The following PTK2 variants were observed in gnomAD, a reference collection of about 807,000 sequenced individuals.
PTK2 encodes the protein protein tyrosine kinase 2.
In PTK2, 45 loss-of-function variants were observed where a neutral mutation model predicts 150.1. The ratio of observed to expected loss-of-function variants is 0.30; its 90% CI spans 0.24 to 0.38. The LOEUF is 0.38. Among genes scored for constraint, PTK2 ranks in the 10% least tolerant of loss-of-function variants. PTK2 has a pLI of 1.00. For synonymous variants in PTK2, 432 were observed against 449.2 expected, an observed-to-expected ratio of 0.96 and a Z score of 0.48; for missense variants, 919 against 1,307.3, an observed-to-expected ratio of 0.70 and a Z score of 4.58.
At chr8:140,921,623 A>G (rs1269977827) in intron 2 of PTK2, among the ~76,000 whole-genome samples, 2 of 152,162 alleles carry the variant, frequency 1.3e-5, no homozygotes, top group African/African-American at 4.8e-5. Flanking sequence ...TGTCATAGTA[A>G]GTGTATAAAT....
At chr8:140,961,697 C>T (rs891460627) in intron 1 of PTK2, among the ~76,000 whole-genome samples, 1 of 151,456 alleles carries the variant, frequency 6.6e-6, no homozygotes, top group Non-Finnish European at 1.5e-5. Context: ...AGATTTGGTA[C>T]TACAAATCAG....
At chr8:140,810,656 C>T (rs569315011) in intron 10 of PTK2, among the ~76,000 whole-genome samples, 1 of 152,302 alleles carries the variant, frequency 6.6e-6, no homozygotes, top group African/African-American at 2.4e-5. Context: ...GCCTTCCGTG[C>T]CTCACCAGTG....
At chr8:140,880,647 A>G (rs1206852712) in intron 3 of PTK2, among the ~76,000 whole-genome samples, 1 of 152,206 alleles carries the variant, frequency 6.6e-6, no homozygotes, top group East Asian at 1.9e-4. Context: ...TTGAAGCTAT[A>G]ATACAACTTG....
intron 23 of PTK2, among the ~76,000 whole-genome samples, chr8:140,712,666 C>G (rs1157114885): frequency 6.6e-6 from 1 of 151,998 alleles, no homozygotes; most frequent in Non-Finnish European, 1.5e-5. Context: ...TACTGATTTA[C>G]TGAGCTATAG....
Position 140,948,915 on chromosome 8 carries a change from G to A in PTK2, c.-121-23166C>T, listed in dbSNP as rs537483276. On this transcript the variant is annotated intron_variant, in intron 1 of 31. Coordinates refer to ENST00000522684, the Ensembl canonical transcript of PTK2. The stretch of plus-strand genomic sequence containing the variant: ...CCCTTGAACAACATGGATTTGAATG[G>A]TACAGGTCCACGTATAGGGGGATTT... 2.6e-5 allele frequency among the ~76,000 whole-genome samples: 4 copies of A among 152,050 alleles called. No homozygotes were observed. In the East Asian group the frequency reaches 7.7e-4, roughly 29 times the overall value.
intron 4 of PTK2, among the ~76,000 whole-genome samples, chr8:140,876,814 G>C (rs1307785612): frequency 2.6e-5 from 4 of 151,842 alleles, no homozygotes; most frequent in Non-Finnish European, 4.4e-5. Flanking sequence ...TCAATCCTGT[G>C]ATTTCTACAA....
chr8:140,714,802 A>AG (rs1276600631), intron 23 of PTK2, among the ~76,000 whole-genome samples: 1 of 150,020 alleles, frequency 6.7e-6, no homozygotes, highest in African/African-American at 2.4e-5. Context: ...GTCTCAAAAA[A>AG]AAAAAAAAAA....
Position 140,673,742 on chromosome 8 carries a change from G to A in PTK2, c.2709+556C>T, listed in dbSNP as rs531390650. Among the ~76,000 whole-genome samples the A allele has an allele frequency of 2.6e-5, 4 of 152,250 alleles. No individual in the cohort carries two copies. In the South Asian group the frequency reaches 8.3e-4, roughly 32 times the overall value. ...GTTCCAGCTGGCACCCCTCGGGGCA[G>A]GCTGCACCTGACTTCTGACTGCCAA... On this transcript the variant is annotated intron_variant, in intron 29 of 31. Transcript: ENST00000522684.
At chr8:140,859,989 T>C (rs770037097) in intron 5 of PTK2, among the ~76,000 whole-genome samples, 2 of 152,208 alleles carry the variant, frequency 1.3e-5, no homozygotes, top group South Asian at 2.1e-4. Flanking sequence ...TAAAAACTCA[T>C]AGTATATTCA....
intron 1 of PTK2, chr8:140,954,600 T>A (rs934469917): frequency 6.6e-6 from 1 of 152,190 alleles, no homozygotes; most frequent in African/African-American, 2.4e-5. Flanking sequence ...CTAAACAATT[T>A]ATATTTCTTC....
intron 26 of PTK2, among the ~76,000 whole-genome samples, chr8:140,698,288 T>C (rs1341466386): frequency 1.3e-5 from 2 of 152,166 alleles, no homozygotes; most frequent in Non-Finnish European, 2.9e-5. Flanking sequence ...GTTTGGAGAA[T>C]TTATAATATC....
intron 19 of PTK2, among the ~76,000 whole-genome samples, 175 bp from the exon 23 acceptor site, chr8:140,743,505 A>G (rs45499592): frequency 0.043 from 6,511 of 152,084 alleles, 204 homozygotes; most frequent in Non-Finnish European, 0.06. Context: ...ACACACACAC[A>G]AAATTTACTT....
chr8:140,830,084 T>TAC (rs67413157), intron 8 of PTK2, among the ~76,000 whole-genome samples: 3,072 of 149,364 alleles, frequency 0.021, 37 homozygotes, highest in Non-Finnish European at 0.029. Context: ...CGCACACACA[T>TAC]ACACACACAC....
intron 23 of PTK2, among the ~76,000 whole-genome samples, chr8:140,715,155 GTTT>G (rs67306225): frequency 0.051 from 2,827 of 55,948 alleles, 853 homozygotes; most frequent in South Asian, 0.066. Context: ...CATTAAAACC[GTTT>G]TTTTTTTTTT....
At chr8:140,773,629 T>C (rs1408727298) in intron 14 of PTK2, among the ~76,000 whole-genome samples, 2 of 151,394 alleles carry the variant, frequency 1.3e-5, no homozygotes, top group Non-Finnish European at 2.9e-5. Context: ...TCAGGTGAGG[T>C]GGATGAAGAG....
intron 7 of PTK2, among the ~76,000 whole-genome samples, chr8:140,836,985 G>A (rs202036527): frequency 1.3e-5 from 2 of 152,256 alleles, no homozygotes; most frequent in East Asian, 3.9e-4. Flanking sequence ...GAAAATAAGA[G>A]TCTTCCTTCT....
At chr8:140,798,061 C>T (rs1308694014) in intron 12 of PTK2, among the ~76,000 whole-genome samples, 1 of 152,164 alleles carries the variant, frequency 6.6e-6, no homozygotes, top group Non-Finnish European at 1.5e-5. Flanking sequence ...TCACTTATTA[C>T]TGTCATGCTA....
chr8:140,805,579 G>T (rs550169465), intron 10 of PTK2, among the ~76,000 whole-genome samples: 1 of 149,152 alleles, frequency 6.7e-6, no homozygotes, highest in South Asian at 2.1e-4. Flanking sequence ...AGAAAAAAAA[G>T]ATCATATTCA....
At chr8:140,906,864 C>A (rs556125260) in intron 2 of PTK2, among the ~76,000 whole-genome samples, 68 of 152,268 alleles carry the variant, frequency 4.5e-4, no homozygotes, top group African/African-American at 1.5e-3. Flanking sequence ...CTGATTTGAT[C>A]ATCACATATT....
Sources: allele counts gnomAD v4.1 joint callset (sites outside exome capture counted in the v4.1 genomes callset), GRCh38; gene constraint gnomAD v4.1.1; transcripts MANE v1.5; gene names NCBI Gene and HGNC (gene_info 2026-07-23, HGNC 2026-07-21).